Variants in OPN5 observed in about 807,000 individuals in gnomAD.
OPN5 encodes opsin-5.
Under a neutral mutation model 41.7 loss-of-function variants are expected in OPN5, and 18 were observed. The ratio of observed to expected loss-of-function variants is 0.43; its 90% CI spans 0.30 to 0.64. The LOEUF is 0.64. OPN5 is among the 30% of genes least tolerant of loss of function. The pLI is 0.13. For missense variants in OPN5, 318 were observed against 434.5 expected (o/e 0.73, Z 2.38); for synonymous variants, 178 against 164.3 (o/e 1.08, Z -0.64).
intron 4 of OPN5, among the ~76,000 whole-genome samples, chr6:47,804,968 A>T (rs1441367533): frequency 1.4e-4 from 21 of 152,236 alleles, no homozygotes; most frequent in Admixed American, 1.4e-3. Context: ...TTTGTCAATG[A>T]CTTTGGCAGC....
At chr6:47,796,879 G>A (rs972674009) in intron 4 of OPN5, among the ~76,000 whole-genome samples, 1 of 152,220 alleles carries the variant, frequency 6.6e-6, no homozygotes. Flanking sequence ...AAAGGAAAGA[G>A]ATTTAATTGA....
At chr6:47,790,701 C>T (rs1773342514) in intron 2 of OPN5, among the ~76,000 whole-genome samples, 1 of 152,188 alleles carries the variant, frequency 6.6e-6, no homozygotes, top group Admixed American at 6.5e-5. Context: ...GTTTGAAACT[C>T]ACACTTTCTT....
intron 4 of OPN5, among the ~76,000 whole-genome samples, chr6:47,805,778 G>A (rs1212541816): frequency 6.6e-6 from 1 of 152,158 alleles, no homozygotes; most frequent in East Asian, 1.9e-4. Flanking sequence ...AACATTGTAT[G>A]TCTCACTCCT....
At chr6:47,813,497 G>A (rs1232151764) in intron 6 of OPN5, among the ~76,000 whole-genome samples, 1 of 152,170 alleles carries the variant, frequency 6.6e-6, no homozygotes, top group African/African-American at 2.4e-5. Flanking sequence ...AGCTGAGAGT[G>A]GTAGTCTGGC....
At chr6:47,786,860 G>A (rs1347835704) in intron 2 of OPN5, among the ~76,000 whole-genome samples, 1 of 152,188 alleles carries the variant, frequency 6.6e-6, no homozygotes, top group Non-Finnish European at 1.5e-5. Flanking sequence ...TGTCAGGCAT[G>A]TTAGATGCTG....
chr6:47,819,766 T>C (rs1762545402), intron 6 of OPN5, among the ~76,000 whole-genome samples: 1 of 152,162 alleles, frequency 6.6e-6, no homozygotes, highest in Non-Finnish European at 1.5e-5. Flanking sequence ...TCTGAGGTAG[T>C]GAGTCTTAGA....
intron 2 of OPN5, among the ~76,000 whole-genome samples, chr6:47,786,843 T>A (rs1487845371): frequency 6.6e-6 from 1 of 152,220 alleles, no homozygotes. Flanking sequence ...ATTGAGTCTT[T>A]TCTGTGTGTC....
intron 6 of OPN5, among the ~76,000 whole-genome samples, chr6:47,817,134 G>C (rs1283009962): frequency 6.6e-6 from 1 of 152,112 alleles, no homozygotes; most frequent in East Asian, 1.9e-4. Flanking sequence ...GGTGGCATGA[G>C]ACCAAGGAGA....
chr6:47,790,473 A>G (rs1773335713), intron 2 of OPN5, among the ~76,000 whole-genome samples: 1 of 152,144 alleles, frequency 6.6e-6, no homozygotes, highest in Non-Finnish European at 1.5e-5. Flanking sequence ...GCATGAACAC[A>G]TGAAAATTGC....
intron 4 of OPN5, among the ~76,000 whole-genome samples, chr6:47,797,168 C>T (rs796782724): frequency 8.5e-5 from 13 of 152,252 alleles, no homozygotes; most frequent in African/African-American, 3.1e-4. Context: ...GACAGCCAAA[C>T]CATATCACAT....
intron 2 of OPN5, among the ~76,000 whole-genome samples, chr6:47,788,805 T>TG (rs5876033): frequency 0.34 from 42,995 of 125,044 alleles, 9,154 homozygotes; most frequent in African/African-American, 0.49. Context: ...TAGGATAACC[T>TG]GGGGGGGGGC....
At chr6:47,801,749 T>C (rs1431344295) in intron 4 of OPN5, among the ~76,000 whole-genome samples, 1 of 152,172 alleles carries the variant, frequency 6.6e-6, no homozygotes, top group African/African-American at 2.4e-5. Flanking sequence ...GGGGATTATT[T>C]GTTCATTTCC....
chr6:47,801,886 T>C (rs993592824), intron 4 of OPN5, among the ~76,000 whole-genome samples: 1 of 152,160 alleles, frequency 6.6e-6, no homozygotes, highest in Admixed American at 6.5e-5. Flanking sequence ...TATATATTTG[T>C]TGAAGGAAGG....
intron 3 of OPN5, among the ~76,000 whole-genome samples, chr6:47,793,536 T>G (rs1773451571): frequency 6.6e-6 from 1 of 152,250 alleles, no homozygotes; most frequent in Admixed American, 6.5e-5. Flanking sequence ...AGATGACCAC[T>G]TGGCCTCTTC....
chr6:47,808,214 G>A, exon 5 of OPN5: 1 of 1,613,842 alleles, frequency 6.2e-7, no homozygotes, highest in Non-Finnish European at 8.5e-7. Flanking sequence ...AGTGGTGTCT[G>A]TGTGGTCAGC....
chr6:47,812,403 T>C (rs1762273061), intron 6 of OPN5, among the ~76,000 whole-genome samples: 1 of 152,230 alleles, frequency 6.6e-6, no homozygotes, highest in African/African-American at 2.4e-5. Context: ...CAGGGCATTA[T>C]GAGTTGTAAT....
At chr6:47,823,603 T>C (rs1461955668) in intron 6 of OPN5, 4 of 298,694 alleles carry the variant, frequency 1.3e-5, no homozygotes. Flanking sequence ...GGGAGAAAAT[T>C]AGGCAGTACA....
chr6:47,789,721 G>A (rs559748042), intron 2 of OPN5, among the ~76,000 whole-genome samples: 4 of 152,260 alleles, frequency 2.6e-5, no homozygotes, highest in South Asian at 2.1e-4. Context: ...TTGATTCACC[G>A]AACTAACAGG....
At chr6:47,824,634 T>C (rs558627284) in exon 7 of OPN5, 52 of 152,366 alleles carry the variant, frequency 3.4e-4, no homozygotes, top group African/African-American at 1.2e-3. Context: ...CTACAGTTAA[T>C]ATGTAGGTTA....
Sources: allele counts gnomAD v4.1 joint callset (sites outside exome capture counted in the v4.1 genomes callset), GRCh38; gene constraint gnomAD v4.1.1; transcripts MANE v1.5; gene names NCBI Gene and HGNC (gene_info 2026-07-23, HGNC 2026-07-21).